Variants in CLPTM1L observed in about 807,000 individuals in gnomAD.
CLPTM1L encodes the protein lipid scramblase CLPTM1L.
In CLPTM1L, 38 loss-of-function variants were observed where a neutral mutation model predicts 70.9. That is an observed-to-expected ratio of 0.54 (90% CI 0.41 to 0.70). The LOEUF is 0.70. Among genes scored for constraint, CLPTM1L ranks in the 30% least tolerant of loss-of-function variants. The pLI, the probability that CLPTM1L is intolerant of heterozygous loss-of-function variation, is 0.00. For synonymous variants in CLPTM1L, 339 were observed against 299.9 expected (o/e 1.13, Z -1.35); for missense variants, 652 against 705.9 (o/e 0.92, Z 0.87).
chr5:1,329,194 T>C (rs563718243), intron 9 of CLPTM1L, among the ~76,000 whole-genome samples: 1 of 152,360 alleles, frequency 6.6e-6, no homozygotes, highest in South Asian at 2.1e-4. Context: ...GAGCTGGTCT[T>C]GCCCCACGAG....
At chr5:1,334,571 T>C (rs1753434001) in intron 6 of CLPTM1L, among the ~76,000 whole-genome samples, 188 bp from the exon 7 acceptor site, 1 of 152,040 alleles carries the variant, frequency 6.6e-6, no homozygotes, top group African/African-American at 2.4e-5. Flanking sequence ...CTGGTAAACA[T>C]GGTGAAACTC....
chr5:1,321,831 C>G lies in CLPTM1L; in HGVS notation c.1316-12G>C. On this transcript the variant is annotated splice_polypyrimidine_tract_variant and intron_variant, in intron 13 of 16. Coordinates refer to ENST00000320895, the MANE Select transcript of CLPTM1L (RefSeq NM_030782.5). ...AAAGGCATAGACCCCTGCAGAAAGA[C>G]AGACAGCACTCACGAGGTGCGGAGG... 3.1e-6 allele frequency: 5 copies of G among 1,612,880 alleles called. No homozygotes were observed.
At chr5:1,339,548 C>T (rs1377766759) in intron 3 of CLPTM1L, among the ~76,000 whole-genome samples, 2 of 125,556 alleles carry the variant, frequency 1.6e-5, no homozygotes, top group African/African-American at 3.2e-5. Flanking sequence ...CAGATGGCCA[C>T]GCACATGGAA....
rs1278181625 is a variant in CLPTM1L at position 1,320,688 on chromosome 5, G to A, written c.1460C>T (p.Thr487Ile). ...FIDDVFAFII[T>I]MPTSHRLACF... ...GGCCAGCCGGTGAGACGTGGGCATG[G>A]TGATGATGAAGGCAAAGACGTCATC... The change falls in exon 16 of 17, where the codon ACC becomes ATC. Residue 487 changes from threonine (T) to isoleucine (I), a missense_variant. Thr to Ile is a moderately conservative substitution (Grantham distance 89). Transcript: ENST00000320895. 1 of 1,548,952 alleles carries A rather than the reference G, an allele frequency of 6.5e-7. No homozygotes were observed. The highest frequency in any genetic ancestry group is 1.4e-5 in the African/African-American group (1 of 73,118).
At chr5:1,333,265 C>G (rs554287597) in intron 7 of CLPTM1L, among the ~76,000 whole-genome samples, 1 of 115,432 alleles carries the variant, frequency 8.7e-6, no homozygotes, top group South Asian at 2.4e-4. Context: ...TAAGGGGGGA[C>G]TACTGTATAC....
At position 1,331,908 on chromosome 5, in the gene CLPTM1L, A is replaced by T. The variant is rs756783822; in HGVS notation, c.892-25T>A. Reference sequence around the variant, plus strand: ...GCTAGAGAGAACACACACGACAGCAACTCACATCTCCTGCTGTTTCCATCT... The same window carrying T: ...GCTAGAGAGAACACACACGACAGCATCTCACATCTCCTGCTGTTTCCATCT... On this transcript the variant is annotated intron_variant, in intron 7 of 16. Coordinates refer to ENST00000320895, the MANE Select transcript of CLPTM1L (RefSeq NM_030782.5). 6 of 1,577,726 alleles carry T rather than the reference A, an allele frequency of 3.8e-6. No homozygotes were observed. The East Asian group carries it at 1.3e-4, about 35-fold the overall frequency.
At chr5:1,322,579 C>G (rs754174826) in intron 13 of CLPTM1L, among the ~76,000 whole-genome samples, 1 of 152,236 alleles carries the variant, frequency 6.6e-6, no homozygotes, top group Non-Finnish European at 1.5e-5. Context: ...ACACATATAC[C>G]AGGCGGCTGC....
intron 5 of CLPTM1L, among the ~76,000 whole-genome samples, chr5:1,337,161 C>T (rs1317618268): frequency 1.3e-5 from 2 of 152,206 alleles, no homozygotes; most frequent in Non-Finnish European, 2.9e-5. Flanking sequence ...CTCTGAACCC[C>T]AAATAACCTC....
chr5:1,334,151 T>G, intron 7 of CLPTM1L, 138 bp downstream of exon 7: 1 of 588,250 alleles, frequency 1.7e-6, no homozygotes. Flanking sequence ...TGCTGGCTGC[T>G]GAGTGATGGG....
intron 12 of CLPTM1L, among the ~76,000 whole-genome samples, 168 bp from the exon 13 acceptor site, chr5:1,323,079 G>C (rs1259492217): frequency 6.6e-6 from 1 of 152,252 alleles, no homozygotes; most frequent in African/African-American, 2.4e-5. Context: ...TCAAGCTGGA[G>C]ATAGCGCTGA....
In CLPTM1L at chr5:1,342,513, G is replaced by T. The variant is rs117534495; in HGVS notation, c.264-653C>A. 2.9e-4 allele frequency among the ~76,000 whole-genome samples: 44 copies of T among 152,294 alleles called. No homozygotes were observed. The East Asian group carries it at 7.9e-3, about 27-fold the overall frequency. Reference sequence around the variant, plus strand: ...CCTGGCTCTTCACCCGCACACCAGGGCCCGACGTCCATACTACAGCCCCAT... The same window carrying T: ...CCTGGCTCTTCACCCGCACACCAGGTCCCGACGTCCATACTACAGCCCCAT... On this transcript the variant is annotated intron_variant, in intron 2 of 16. Coordinates refer to ENST00000320895, the MANE Select transcript of CLPTM1L (RefSeq NM_030782.5). The surrounding 1 kb of genome is among the most constrained non-coding windows in gnomAD (Gnocchi z 4.3).
chr5:1,325,874 T>C (rs1165002990), intron 9 of CLPTM1L, 58 bp from the exon 10 acceptor site: 11 of 1,471,858 alleles, frequency 7.5e-6, no homozygotes, highest in African/African-American at 6.9e-5. Context: ...GAGCCACGAA[T>C]GAACGACCCA....
rs897331196 is a variant in CLPTM1L at position 1,318,285 on chromosome 5, A to G, written c.*84T>C. 3.6e-6 allele frequency: 4 copies of G among 1,106,336 alleles called. No individual in the cohort carries two copies. The South Asian group carries it at 5.2e-5, about 14-fold the overall frequency. 68.5% of individuals were successfully genotyped at this position (1,106,336 alleles called of 1,614,324 possible). ...GGATTTTGGCAACACAGAAAACGCA[A>G]TGTCTAGGAATTCCTCCAAATGCTT... On this transcript the variant is annotated 3_prime_UTR_variant, in exon 17 of 17. Coordinates refer to ENST00000320895, the MANE Select transcript of CLPTM1L (RefSeq NM_030782.5). The surrounding 1 kb of genome is among the most constrained non-coding windows in gnomAD (Gnocchi z 8.9).
rs1752011793 is a variant in CLPTM1L at position 1,319,312 on chromosome 5, A to C, written c.1533-859T>G. Among the ~76,000 whole-genome samples, 3 of 125,176 alleles carry C rather than the reference A, an allele frequency of 2.4e-5. No individual in the cohort carries two copies. The South Asian group carries it at 8.2e-4, about 34-fold the overall frequency. 82.1% of individuals were successfully genotyped at this position (125,176 alleles called of 152,430 possible). On this transcript the variant is annotated intron_variant, in intron 16 of 16. Coordinates refer to ENST00000320895, the MANE Select transcript of CLPTM1L (RefSeq NM_030782.5). ...TGGTGAAATAGCCCTTCCCGCTGAC[A>C]CAAGCTGGAGCTCCCGTGCAGGGGC...
chr5:1,342,959 G>A lies in CLPTM1L; in HGVS notation c.264-1099C>T, dbSNP rs1271736051. On this transcript the variant is annotated intron_variant, in intron 2 of 16. Coordinates refer to ENST00000320895, the MANE Select transcript of CLPTM1L (RefSeq NM_030782.5). This position sits in a 1 kb window ranked among gnomAD's most constrained non-coding sequence, Gnocchi z 4.3. ...TGTAATCCCAGCACCTTGGGAGGCCGAGCCGGGCAGATCACGAGGTCAGGA... is the reference window on the plus strand; with the variant it reads ...TGTAATCCCAGCACCTTGGGAGGCCAAGCCGGGCAGATCACGAGGTCAGGA... Among the ~76,000 whole-genome samples the A allele has an allele frequency of 2.6e-5, 4 of 152,238 alleles. No homozygotes were observed. Among genetic ancestry groups the A allele is most frequent in the African/African-American group, 4.8e-5 (2 of 41,468 alleles).
intron 9 of CLPTM1L, among the ~76,000 whole-genome samples, chr5:1,328,976 A>ACAGCTCCTCCTCTACAGAGACATTTCATC (rs1752879195): frequency 7.5e-6 from 1 of 133,948 alleles, no homozygotes; most frequent in Non-Finnish European, 1.6e-5. Context: ...CACATTTCAT[A>ACAGCTCCTCCTCTACAGAGACATTTCATC]CAGCTCCTCC....
Position 1,318,592 on chromosome 5 carries a change from G to T in CLPTM1L, c.1533-139C>A. The T allele has an allele frequency of 5.8e-6, 4 of 690,064 alleles. No homozygotes were observed. The highest frequency in any genetic ancestry group is 2.8e-5 in the East Asian group (1 of 36,168). The allele number at this position is 690,064 out of a possible 1,614,324, so 42.7% of individuals were successfully genotyped here. A position where few individuals can be genotyped will look rare whatever the true frequency, so the allele number is the denominator to read the frequency against. On this transcript the variant is annotated intron_variant, in intron 16 of 16. Transcript: ENST00000320895. This position sits in a 1 kb window ranked among gnomAD's most constrained non-coding sequence, Gnocchi z 8.9. ...TAACTAAAAAGTCGAATCCTCAGAA[G>T]TTTTACTGCCGAGGGCTGAGGAGGG... is the stretch of plus-strand genomic sequence containing the variant.
chr5:1,335,469 C>G (rs1039731348), intron 5 of CLPTM1L, among the ~76,000 whole-genome samples: 1 of 152,260 alleles, frequency 6.6e-6, no homozygotes, highest in East Asian at 1.9e-4. Context: ...TTAAGCCGCA[C>G]AAGTCCTGGT....
intron 12 of CLPTM1L, among the ~76,000 whole-genome samples, chr5:1,323,157 CTGGG>C (rs1752261101): frequency 6.6e-6 from 1 of 150,612 alleles, no homozygotes. Flanking sequence ...AGCACCCCAC[CTGGG>C]CAGCAGAGGC....
Sources: gnomAD v4.1 joint callset for allele counts (sites outside exome capture counted in the v4.1 genomes callset) on GRCh38, gnomAD v4.1.1 for gene constraint, Gnocchi (gnomAD v3.1) non-coding constraint, MANE v1.5 for transcripts, NCBI Gene and HGNC (gene_info 2026-07-23, HGNC 2026-07-21) for gene names.